The following FCHSD2 variants were observed in gnomAD, a reference collection of about 807,000 sequenced individuals.
The protein encoded by FCHSD2 is F-BAR and double SH3 domains protein 2.
A neutral mutation model predicts 108.1 loss-of-function variants in FCHSD2; 38 were observed. The observed-to-expected ratio is 0.35, with a 90% CI of 0.27 to 0.46. FCHSD2 has a LOEUF of 0.46. Among genes scored for constraint, FCHSD2 ranks in the 20% least tolerant of loss-of-function variants. The probability of loss-of-function intolerance (pLI) is 1.00; values close to 1 mark genes in which losing one functional copy is unlikely to be tolerated. For missense variants in FCHSD2, 751 were observed against 897.8 expected, an observed-to-expected ratio of 0.84 and a Z score of 2.09; for synonymous variants, 279 against 314.7, an observed-to-expected ratio of 0.89 and a Z score of 1.20.
chr11:72,917,637 G>T (rs1012618816), intron 9 of FCHSD2, among the ~76,000 whole-genome samples: 11 of 152,194 alleles, frequency 7.2e-5, no homozygotes, highest in African/African-American at 2.7e-4. Context: ...TGTAATCCCA[G>T]CACTTTGGGA....
intron 2 of FCHSD2, among the ~76,000 whole-genome samples, chr11:73,125,588 T>C (rs544916755): frequency 6.6e-6 from 1 of 152,090 alleles, no homozygotes; most frequent in South Asian, 2.1e-4. Context: ...ATCTGTAGTC[T>C]GAGCTACTCA....
chr11:73,088,796 C>A (rs539773691), intron 2 of FCHSD2, among the ~76,000 whole-genome samples: 2 of 152,208 alleles, frequency 1.3e-5, no homozygotes, highest in East Asian at 3.9e-4. Flanking sequence ...CATTTAAAAA[C>A]CTCTAAAAAG....
intron 3 of FCHSD2, among the ~76,000 whole-genome samples, chr11:73,049,684 T>TA (rs557262661): frequency 0.034 from 2,592 of 75,626 alleles, 28 homozygotes; most frequent in Middle Eastern, 0.069. Flanking sequence ...TAGAGTATAA[T>TA]AAAAAAAAAA....
At chr11:72,871,639 G>A (rs1324279789) in intron 12 of FCHSD2, among the ~76,000 whole-genome samples, 1 of 152,138 alleles carries the variant, frequency 6.6e-6, no homozygotes, top group Non-Finnish European at 1.5e-5. Context: ...AGCTACTCAG[G>A]AGACTGAGGA....
chr11:72,853,660 C>T (rs1043266657), intron 13 of FCHSD2, among the ~76,000 whole-genome samples: 11 of 152,080 alleles, frequency 7.2e-5, no homozygotes, highest in African/African-American at 1.2e-4. Flanking sequence ...GGCAATCCCC[C>T]CACCTCAATG....
chr11:73,133,690 G>A (rs1197756049), intron 2 of FCHSD2, among the ~76,000 whole-genome samples: 5 of 151,006 alleles, frequency 3.3e-5, no homozygotes, highest in Admixed American at 1.3e-4. Flanking sequence ...CAGCTACTCA[G>A]GAGGCTGAGG....
At chr11:72,918,399 T>C (rs1855917651) in intron 9 of FCHSD2, among the ~76,000 whole-genome samples, 1 of 152,142 alleles carries the variant, frequency 6.6e-6, no homozygotes, top group Non-Finnish European at 1.5e-5. Flanking sequence ...AATTGCCCTG[T>C]CTAGGACTTC....
chr11:73,032,511 C>A (rs762638104), intron 3 of FCHSD2, among the ~76,000 whole-genome samples: 2 of 151,950 alleles, frequency 1.3e-5, no homozygotes, highest in Non-Finnish European at 2.9e-5. Flanking sequence ...CAGGTGTGAG[C>A]CACCATGCTT....
At chr11:72,848,266 A>G (rs1591337801) in intron 14 of FCHSD2, among the ~76,000 whole-genome samples, 1 of 152,142 alleles carries the variant, frequency 6.6e-6, no homozygotes, top group African/African-American at 2.4e-5. Flanking sequence ...CTTTATGCAC[A>G]GCCCCTCTGT....
At chr11:73,018,210 G>A (rs1432682467) in intron 3 of FCHSD2, among the ~76,000 whole-genome samples, 1 of 152,052 alleles carries the variant, frequency 6.6e-6, no homozygotes, top group African/African-American at 2.4e-5. Flanking sequence ...ATGCATCTTT[G>A]TTGTTGTTGT....
chr11:72,878,811 G>A (rs1485432784), intron 12 of FCHSD2, among the ~76,000 whole-genome samples: 1 of 152,064 alleles, frequency 6.6e-6, no homozygotes, highest in African/African-American at 2.4e-5. Context: ...GCTTGTACAG[G>A]GTTGAAAGAC....
chr11:72,881,272 A>T (rs1469768026), intron 12 of FCHSD2, among the ~76,000 whole-genome samples: 1 of 152,220 alleles, frequency 6.6e-6, no homozygotes, highest in Non-Finnish European at 1.5e-5. Context: ...ATATGAAAAA[A>T]TACTCAACAT....
intron 2 of FCHSD2, among the ~76,000 whole-genome samples, chr11:73,112,625 T>C (rs1028050736): frequency 6.6e-6 from 1 of 152,152 alleles, no homozygotes; most frequent in Admixed American, 6.6e-5. Context: ...CAATAACTCT[T>C]AGATTTGCCT....
chr11:73,067,702 C>T (rs140570012), intron 3 of FCHSD2, among the ~76,000 whole-genome samples: 2 of 151,726 alleles, frequency 1.3e-5, no homozygotes, highest in East Asian at 1.9e-4. Flanking sequence ...AGAAAATGAG[C>T]GGAATGAAAA....
intron 3 of FCHSD2, among the ~76,000 whole-genome samples, chr11:73,044,119 C>G (rs1193914285): frequency 6.6e-6 from 1 of 152,200 alleles, no homozygotes. Flanking sequence ...TTTGTTACCA[C>G]TGATACATCC....
intron 8 of FCHSD2, among the ~76,000 whole-genome samples, chr11:72,965,008 C>G (rs1478564174): frequency 6.6e-6 from 1 of 152,026 alleles, no homozygotes; most frequent in Non-Finnish European, 1.5e-5. Flanking sequence ...CCAGGATGGT[C>G]TCAATTTCCC....
At chr11:73,010,460 C>T (rs1036289448) in intron 4 of FCHSD2, among the ~76,000 whole-genome samples, 2 of 152,030 alleles carry the variant, frequency 1.3e-5, no homozygotes, top group African/African-American at 4.8e-5. Context: ...GTTATATTTC[C>T]TTGCTTTTTC....
At chr11:72,922,004 TG>T in intron 8 of FCHSD2, 54 bp from the exon 9 acceptor site, 1 of 1,305,552 alleles carries the variant, frequency 7.7e-7, no homozygotes, top group Non-Finnish European at 1.1e-6. Context: ...CCTTGACATA[TG>T]ATATCTTCTG....
chr11:73,091,498 G>A (rs998609939), intron 2 of FCHSD2, among the ~76,000 whole-genome samples: 3 of 151,952 alleles, frequency 2.0e-5, no homozygotes, highest in South Asian at 2.1e-4. Context: ...GCAGTGAGCC[G>A]AGATCATGCC....
Sources: gnomAD v4.1 joint callset for allele counts (sites outside exome capture counted in the v4.1 genomes callset) on GRCh38, gnomAD v4.1.1 for gene constraint, MANE v1.5 for transcripts, NCBI Gene and HGNC (gene_info 2026-07-23, HGNC 2026-07-21) for gene names.